Variants in ANK1 observed in about 807,000 individuals in gnomAD.
ANK1 encodes ankyrin-1.
In ANK1, 51 loss-of-function variants were observed where a neutral mutation model predicts 210.4. That is an observed-to-expected ratio of 0.24 (90% CI 0.19 to 0.31). The LOEUF is 0.31. ANK1 is among the 10% of genes least tolerant of loss of function. The probability of loss-of-function intolerance (pLI) is 1.00; values close to 1 mark genes in which losing one functional copy is unlikely to be tolerated. For missense variants in ANK1, 2,051 were observed against 2,504.4 expected (o/e 0.82, Z 3.86); for synonymous variants, 967 against 1,025.9 (o/e 0.94, Z 1.10).
intron 37 of ANK1, among the ~76,000 whole-genome samples, chr8:41,683,697 C>T (rs1410974260): frequency 6.6e-6 from 1 of 152,222 alleles, no homozygotes; most frequent in African/African-American, 2.4e-5. Context: ...GGGGAGAGGG[C>T]TCAGTCATGC....
chr8:41,804,995 T>C (rs1850704748), intron 1 of ANK1, among the ~76,000 whole-genome samples: 1 of 152,082 alleles, frequency 6.6e-6, no homozygotes, highest in South Asian at 2.1e-4. Context: ...AACTCAAACT[T>C]TTTTATCTCG....
chr8:41,721,866 T>A (rs769998578), intron 9 of ANK1, among the ~76,000 whole-genome samples: 1 of 152,166 alleles, frequency 6.6e-6, no homozygotes, highest in Non-Finnish European at 1.5e-5. Flanking sequence ...AAAAGTCACA[T>A]ATTCTCAGTA....
chr8:41,657,985 G>A (rs143546753), intron 42 of ANK1, among the ~76,000 whole-genome samples: 34 of 152,168 alleles, frequency 2.2e-4, no homozygotes, highest in African/African-American at 8.2e-4. Flanking sequence ...GGGCTCAAGC[G>A]ATCCTCCCAC....
chr8:41,704,216 C>T lies in ANK1; in HGVS notation c.2197-77G>A. 4 of 1,424,570 alleles carry T rather than the reference C, an allele frequency of 2.8e-6. No individual in the cohort carries two copies. The highest frequency in any genetic ancestry group is 4.0e-6 in the Non-Finnish European group (4 of 1,009,662). 88.2% of individuals were successfully genotyped at this position (1,424,570 alleles called of 1,614,324 possible). A position where few individuals can be genotyped will look rare whatever the true frequency, so the allele number is the denominator to read the frequency against. ...CCTGCCTACACATGATAGTGCCTGCCCATCTTCGAAGTGGGACATTAATGA... is the reference window on the plus strand; with the variant it reads ...CCTGCCTACACATGATAGTGCCTGCTCATCTTCGAAGTGGGACATTAATGA... On this transcript the variant is annotated intron_variant, in intron 19 of 42. Transcript: ENST00000289734. This position sits in a 1 kb window ranked among gnomAD's most constrained non-coding sequence, Gnocchi z 4.1.
chr8:41,692,738 C>A lies in ANK1; in HGVS notation c.3768G>T (p.Leu1256=). ...AKMNDPREGR[L]RCYCMTDDKV... ...TATCATCTGTCATGCAGTAGCAGCGCAGGCGCCCCTCTCGGGGGTCATTCA... is the reference window on the plus strand; with the variant it reads ...TATCATCTGTCATGCAGTAGCAGCGAAGGCGCCCCTCTCGGGGGTCATTCA... The change falls in exon 31 of 43, where the codon CTG becomes CTT. Residue 1256 remains leucine, a synonymous_variant. Transcript: ENST00000289734. 2 of 1,614,092 alleles carry A rather than the reference C, an allele frequency of 1.2e-6. No individual in the cohort carries two copies. The highest frequency in any genetic ancestry group is 1.7e-6 in the Non-Finnish European group (2 of 1,180,024).
At chr8:41,798,156 G>A (rs1422626034), upstream of ANK1, among the ~76,000 whole-genome samples, 1 of 151,962 alleles carries the variant, frequency 6.6e-6, no homozygotes, top group Admixed American at 6.5e-5. Context: ...ACGCCCTGTC[G>A]GCGCTGCGGG....
intron 1 of ANK1, among the ~76,000 whole-genome samples, chr8:41,774,166 CAGAATCCCCA>C (rs371709737): frequency 1.8e-3 from 281 of 152,282 alleles, no homozygotes; most frequent in African/African-American, 6.4e-3. Context: ...CCGCTCAACT[CAGAATCCCCA>C]AGCCTAGCAC....
rs1294842570 is a variant in ANK1, at chr8:41,653,946, T to A, written c.*1844A>T. On this transcript the variant is annotated 3_prime_UTR_variant, in exon 43 of 43. Coordinates refer to ENST00000289734, the MANE Select transcript of ANK1 (RefSeq NM_000037.4). ...GCCCCGGGGCCTGCCTGGCCGGGGG[T>A]GCACCGGGGCGGATTTGTGTGGGAA... The A allele has an allele frequency of 6.6e-6, 1 of 151,850 alleles. No homozygotes were observed. Among genetic ancestry groups the A allele is most frequent in the East Asian group, 2.0e-4 (1 of 5,108 alleles). 9.4% of individuals were successfully genotyped at this position (151,850 alleles called of 1,614,324 possible).
intron 3 of ANK1, among the ~76,000 whole-genome samples, chr8:41,729,037 A>G (rs1297438465): frequency 6.6e-6 from 1 of 152,232 alleles, no homozygotes; most frequent in Non-Finnish European, 1.5e-5. Context: ...CACAAGCTGC[A>G]GTGGAGCGGA....
chr8:41,724,437 G>T lies in ANK1; in HGVS notation c.711+19C>A, dbSNP rs370282845. 3 of 1,547,514 alleles carry T rather than the reference G, an allele frequency of 1.9e-6. No homozygotes were observed. The highest frequency in any genetic ancestry group is 1.9e-5 in the Admixed American group (1 of 51,688). On this transcript the variant is annotated intron_variant, in intron 7 of 42. Transcript: ENST00000289734. ...CCCCAAGCCCCCGGACAGTGAGGGC[G>T]CACGTGCCCCAGGGTTACCTGTGGT...
intron 3 of ANK1, 65 bp from the exon 4 acceptor site, chr8:41,728,071 G>T: frequency 6.5e-7 from 1 of 1,542,350 alleles, no homozygotes; most frequent in Non-Finnish European, 8.9e-7. Flanking sequence ...GACCAGCAAA[G>T]GTCTGTGGAC....
At position 41,684,609 on chromosome 8, in the gene ANK1, C is replaced by T. The variant is rs372878614; in HGVS notation, c.4472G>A (p.Arg1491His). 7.1e-5 allele frequency: 115 copies of T among 1,613,732 alleles called. No individual in the cohort carries two copies. The highest frequency in any genetic ancestry group is 1.6e-4 in the African/African-American group (12 of 74,918). Residue 1491 changes from arginine to histidine, a missense_variant, in exon 37 of 43, where the codon CGC becomes CAC. Arg to His is a conservative substitution (Grantham distance 29, BLOSUM62 0). Around this residue, in one of 6 missense-constraint regions of ANK1, gnomAD observed 496 missense variants for 533.4 expected, o/e 0.93. Coordinates refer to ENST00000289734, the MANE Select transcript of ANK1 (RefSeq NM_000037.4). Reference protein sequence around the residue: ...NMLEGSGRQSRNLKPDRRHTD... With the variant: ...NMLEGSGRQSHNLKPDRRHTD... ...GTGCCGCCTGTCTGGCTTCAAGTTG[C>T]GGCTCTGTCGGCCGGAACCCTCCAG... is the stretch of plus-strand genomic sequence containing the variant.
chr8:41,787,730 A>C (rs1846709446), intron 1 of ANK1, among the ~76,000 whole-genome samples: 1 of 152,204 alleles, frequency 6.6e-6, no homozygotes, highest in Non-Finnish European at 1.5e-5. Flanking sequence ...TAGGAGGATA[A>C]CTTGAGCCCA....
At chr8:41,874,158 T>C (rs947979830) in intron 1 of ANK1, among the ~76,000 whole-genome samples, 3 of 152,086 alleles carry the variant, frequency 2.0e-5, no homozygotes, top group Admixed American at 1.3e-4. Flanking sequence ...CGCAGGTAGG[T>C]AGGGAGTAGG....
At chr8:41,792,749 A>T (rs971324018) in intron 1 of ANK1, among the ~76,000 whole-genome samples, 2 of 152,232 alleles carry the variant, frequency 1.3e-5, no homozygotes, top group African/African-American at 4.8e-5. Flanking sequence ...TATGAATTTT[A>T]AAAAATCCCA....
rs185290099 is a variant in ANK1 at position 41,773,061 on chromosome 8, C to A, written c.28-14924G>T. Among the ~76,000 whole-genome samples, 51 of 152,330 alleles carry A rather than the reference C, an allele frequency of 3.3e-4. 2 individuals are homozygous for A. The highest frequency in any genetic ancestry group is 1.2e-3 in the African/African-American group (48 of 41,576). ...CAATCAGAAATCCAGCCTGACCCCC[C>A]CTAAACCTGGTCATTCCTTCTTAAC... is the stretch of plus-strand genomic sequence containing the variant. On this transcript the variant is annotated intron_variant, in intron 1 of 42. Coordinates refer to ENST00000289734, the MANE Select transcript of ANK1 (RefSeq NM_000037.4).
intron 1 of ANK1, among the ~76,000 whole-genome samples, chr8:41,893,951 C>T (rs1390527510): frequency 1.3e-5 from 2 of 152,180 alleles, no homozygotes; most frequent in African/African-American, 2.4e-5. Context: ...CACCAGGCCC[C>T]TTGTAAGCTT....
chr8:41,774,806 C>T (rs766929466), intron 1 of ANK1, among the ~76,000 whole-genome samples: 6 of 152,222 alleles, frequency 3.9e-5, no homozygotes, highest in Non-Finnish European at 8.8e-5. Context: ...GAATGGGCTG[C>T]ATTTAGAATT....
chr8:41,784,446 T>C (rs548659717), intron 1 of ANK1, among the ~76,000 whole-genome samples: 27 of 152,348 alleles, frequency 1.8e-4, no homozygotes, highest in African/African-American at 5.8e-4. Context: ...ATATTAAGTA[T>C]TCACCCCTTC....
Sources: gnomAD v4.1 joint callset for allele counts (sites outside exome capture counted in the v4.1 genomes callset) on GRCh38, gnomAD v4.1.1 for gene constraint, gnomAD v4.1.1 regional missense constraint, Gnocchi (gnomAD v3.1) non-coding constraint, MANE v1.5 for transcripts, NCBI Gene and HGNC (gene_info 2026-07-23, HGNC 2026-07-21) for gene names.